The following TCF7L1 variants were observed in gnomAD, a reference collection of about 807,000 sequenced individuals.
TCF7L1 encodes transcription factor 7-like 1.
Under a neutral mutation model 63.7 loss-of-function variants are expected in TCF7L1, and 18 were observed. The observed-to-expected ratio is 0.28, with a 90% CI of 0.20 to 0.42. The LOEUF is 0.42. Ranked by LOEUF, TCF7L1 falls within the 10% of genes least tolerant of loss-of-function variation. The pLI is 1.00. For synonymous variants in TCF7L1, 355 were observed against 340.9 expected (o/e 1.04, Z -0.46); for missense variants, 654 against 779.3 (o/e 0.84, Z 1.91).
intron 3 of TCF7L1, among the ~76,000 whole-genome samples, chr2:85,181,261 T>C (rs369024862): frequency 6.6e-5 from 10 of 152,272 alleles, no homozygotes; most frequent in African/African-American, 2.4e-4. Flanking sequence ...GAGGGGCAGG[T>C]AGCACAGAGG....
At chr2:85,203,535 T>C (rs1679325724) in intron 3 of TCF7L1, among the ~76,000 whole-genome samples, 2 of 152,108 alleles carry the variant, frequency 1.3e-5, no homozygotes, top group Non-Finnish European at 2.9e-5. Flanking sequence ...AAGACCAGCC[T>C]GAGCAACATA....
chr2:85,227,707 G>C (rs1679989066), intron 3 of TCF7L1, among the ~76,000 whole-genome samples: 1 of 152,018 alleles, frequency 6.6e-6, no homozygotes, highest in South Asian at 2.1e-4. Context: ...ATAAGCTCTG[G>C]ATTCTGGGCT....
At chr2:85,307,531 G>T in intron 10 of TCF7L1, 111 bp from the exon 11 acceptor site, 1 of 837,092 alleles carries the variant, frequency 1.2e-6, no homozygotes. Context: ...TCTCCCTGAG[G>T]GATCGAGAGC....
intron 3 of TCF7L1, among the ~76,000 whole-genome samples, chr2:85,202,458 T>C (rs887280830): frequency 1.3e-5 from 2 of 152,248 alleles, no homozygotes; most frequent in Admixed American, 1.3e-4. Flanking sequence ...TGATGAAGTC[T>C]AATTTAGCTA....
intron 3 of TCF7L1, among the ~76,000 whole-genome samples, chr2:85,210,096 T>C (rs1424412087): frequency 6.6e-6 from 1 of 152,152 alleles, no homozygotes; most frequent in African/African-American, 2.4e-5. Flanking sequence ...AGGTCAGTGT[T>C]GATTCAGCAG....
chr2:85,139,227 T>C (rs1385738493), intron 3 of TCF7L1, among the ~76,000 whole-genome samples: 1 of 152,194 alleles, frequency 6.6e-6, no homozygotes, highest in Non-Finnish European at 1.5e-5. Flanking sequence ...CAGGCTGGTC[T>C]CGAACTCCTG....
intron 3 of TCF7L1, among the ~76,000 whole-genome samples, chr2:85,201,644 GT>G (rs1470523861): frequency 1.3e-5 from 2 of 152,122 alleles, no homozygotes; most frequent in Non-Finnish European, 2.9e-5. Context: ...GGGTTGCGTG[GT>G]CACTTTATGT....
rs139646999 is a variant in TCF7L1, at chr2:85,185,196, C to G, written c.441+50746C>G. The stretch of plus-strand genomic sequence containing the variant: ...CTAGTAATGATAAGTGACGTAATAA[C>G]CAGCCTGTATTGAGGGTCTACTCTG... On this transcript the variant is annotated intron_variant, in intron 3 of 11. Transcript: ENST00000282111. Among the ~76,000 whole-genome samples, 55 of 152,230 alleles carry G rather than the reference C, an allele frequency of 3.6e-4. No homozygotes were observed. The East Asian group carries it at 9.7e-3, about 27-fold the overall frequency.
chr2:85,169,836 G>A (rs576094004), intron 3 of TCF7L1, among the ~76,000 whole-genome samples: 86 of 152,278 alleles, frequency 5.6e-4, no homozygotes, highest in African/African-American at 2.0e-3. Flanking sequence ...ACAGACTGGA[G>A]TTTATAATTA....
chr2:85,256,314 G>T (rs1306511981), intron 3 of TCF7L1, among the ~76,000 whole-genome samples: 1 of 152,248 alleles, frequency 6.6e-6, no homozygotes, highest in Non-Finnish European at 1.5e-5. Flanking sequence ...ACCGCTTTCA[G>T]TTGTAAGGAT....
intron 3 of TCF7L1, among the ~76,000 whole-genome samples, chr2:85,223,306 T>C (rs1213071895): frequency 6.6e-6 from 1 of 152,168 alleles, no homozygotes; most frequent in African/African-American, 2.4e-5. Context: ...AGTGATCCTC[T>C]TGCCTTAGCC....
chr2:85,308,335 T>G (rs1682168208), intron 11 of TCF7L1, among the ~76,000 whole-genome samples: 1 of 123,032 alleles, frequency 8.1e-6, no homozygotes, highest in African/African-American at 3.0e-5. Flanking sequence ...GCTTTCAATC[T>G]CTCTTCTTCA....
intron 8 of TCF7L1, among the ~76,000 whole-genome samples, chr2:85,305,929 A>G (rs781632166): frequency 1.3e-5 from 2 of 152,112 alleles, no homozygotes; most frequent in Non-Finnish European, 2.9e-5. Flanking sequence ...TGCCAGCTCC[A>G]GTGAGAGCTC....
intron 3 of TCF7L1, among the ~76,000 whole-genome samples, chr2:85,201,750 T>A (rs951032395): frequency 8.5e-5 from 13 of 152,274 alleles, no homozygotes; most frequent in Non-Finnish European, 1.5e-4. Flanking sequence ...TTTCTCTACA[T>A]CCTCATCAAC....
intron 3 of TCF7L1, among the ~76,000 whole-genome samples, chr2:85,207,976 G>A (rs891838111): frequency 1.3e-5 from 2 of 151,920 alleles, no homozygotes; most frequent in South Asian, 2.1e-4. Flanking sequence ...GCGCCATCTC[G>A]GCCCACTGCA....
At chr2:85,206,912 T>C (rs1049927771) in intron 3 of TCF7L1, among the ~76,000 whole-genome samples, 1 of 152,216 alleles carries the variant, frequency 6.6e-6, no homozygotes, top group Admixed American at 6.5e-5. Flanking sequence ...ATTAAATCAT[T>C]CTCCTGAATG....
intron 3 of TCF7L1, among the ~76,000 whole-genome samples, chr2:85,179,199 A>T (rs1426221434): frequency 6.6e-6 from 1 of 152,234 alleles, no homozygotes; most frequent in African/African-American, 2.4e-5. Context: ...TCAAAATGAT[A>T]CGACCTAGGG....
intron 3 of TCF7L1, among the ~76,000 whole-genome samples, chr2:85,282,589 A>G (rs1260033194): frequency 6.6e-6 from 1 of 152,172 alleles, no homozygotes; most frequent in Non-Finnish European, 1.5e-5. Context: ...ACCTTGCCTT[A>G]CAGATGCTGA....
intron 3 of TCF7L1, among the ~76,000 whole-genome samples, chr2:85,229,920 AT>A (rs1482418084): frequency 6.6e-6 from 1 of 152,196 alleles, no homozygotes; most frequent in East Asian, 1.9e-4. Flanking sequence ...CGGCAGGAGG[AT>A]CGCTTGAACC....
Sources: gnomAD v4.1 joint callset for allele counts (sites outside exome capture counted in the v4.1 genomes callset) on GRCh38, gnomAD v4.1.1 for gene constraint, MANE v1.5 for transcripts, NCBI Gene and HGNC (gene_info 2026-07-23, HGNC 2026-07-21) for gene names.